The following SNF8 variants were observed in gnomAD, a reference collection of about 807,000 sequenced individuals.
SNF8 encodes vacuolar-sorting protein SNF8.
In SNF8, 19 loss-of-function variants were observed where a neutral mutation model predicts 36.8. The ratio of observed to expected loss-of-function variants is 0.52; its 90% CI spans 0.36 to 0.76. The LOEUF (loss-of-function observed/expected upper bound fraction) is 0.76, where lower values mean the gene tolerates loss of function less well. Among genes scored for constraint, SNF8 ranks in the 30% least tolerant of loss-of-function variants. The probability of loss-of-function intolerance (pLI) is 0.00; values close to 1 mark genes in which losing one functional copy is unlikely to be tolerated. For synonymous variants in SNF8, 127 were observed against 127.4 expected, an observed-to-expected ratio of 1.00 and a Z score of 0.02; for missense variants, 268 against 322.9, an observed-to-expected ratio of 0.83 and a Z score of 1.30.
At chr17:48,938,534 T>C (rs1477859437) in intron 3 of SNF8, among the ~76,000 whole-genome samples, 1 of 146,972 alleles carries the variant, frequency 6.8e-6, no homozygotes, top group Non-Finnish European at 1.5e-5. Flanking sequence ...ATGTAGGTTA[T>C]AGAGCAGTAG....
chr17:48,937,558 A>C (rs2040953639), intron 3 of SNF8, among the ~76,000 whole-genome samples: 1 of 151,530 alleles, frequency 6.6e-6, no homozygotes, highest in Non-Finnish European at 1.5e-5. Context: ...GGAACCCAGG[A>C]GGCAGAAGTT....
chr17:48,935,890 C>G (rs1169355399), intron 5 of SNF8: 1 of 298,940 alleles, frequency 3.3e-6, no homozygotes. Context: ...ACTTGGGAGG[C>G]TGAGGTGGGA....
Position 48,944,792 on chromosome 17 carries a change from G to A in SNF8, c.-58C>T. 1.3e-6 allele frequency: 2 copies of A among 1,513,382 alleles called. No individual in the cohort carries two copies. Among genetic ancestry groups the A allele is most frequent in the Non-Finnish European group, 1.8e-6 (2 of 1,141,330 alleles). The allele number at this position is 1,513,382 out of a possible 1,614,324, so 93.7% of individuals were successfully genotyped here. On this transcript the variant is annotated 5_prime_UTR_variant, in exon 1 of 8. Coordinates refer to ENST00000502492, the MANE Select transcript of SNF8 (RefSeq NM_007241.4). ...CGGGACCCCGGGTCTCCACGTCCCG[G>A]ACTCCGCCGCCGGCTCCCCAAGGCG...
At chr17:48,936,906 G>A (rs913630322) in intron 4 of SNF8, 114 bp downstream of exon 4, 2 of 775,970 alleles carry the variant, frequency 2.6e-6, no homozygotes, top group African/African-American at 1.7e-5. Flanking sequence ...CAGCTAAGAT[G>A]TCTCTCAAGT....
At chr17:48,944,122 G>A (rs2041070137) in intron 1 of SNF8, 147 bp from the exon 2 acceptor site, 1 of 664,176 alleles carries the variant, frequency 1.5e-6, no homozygotes, top group African/African-American at 1.8e-5. Context: ...CTAACACAGT[G>A]AAACCCCGTC....
chr17:48,942,563 A>G (rs747421456), intron 2 of SNF8, among the ~76,000 whole-genome samples: 1 of 152,112 alleles, frequency 6.6e-6, no homozygotes, highest in Non-Finnish European at 1.5e-5. Context: ...AAGGGCTGGA[A>G]AAGAAAACTG....
chr17:48,932,794 T>C (rs940565155), intron 6 of SNF8: 1 of 158,746 alleles, frequency 6.3e-6, no homozygotes, highest in African/African-American at 2.4e-5. Flanking sequence ...TGATGGGGAT[T>C]TGGGGGAAGA....
At chr17:48,936,128 G>T (rs765448602) in intron 5 of SNF8, 42 bp downstream of exon 5, 3 of 1,443,930 alleles carry the variant, frequency 2.1e-6, no homozygotes, top group Non-Finnish European at 2.9e-6. Flanking sequence ...GAATTTTAAA[G>T]ACCTCTTTCT....
rs1389962556 is a variant in SNF8, at chr17:48,929,719, ATTACT to A, written c.*751_*755del. The A allele has an allele frequency of 6.6e-6, 1 of 152,152 alleles. No individual in the cohort carries two copies. The highest frequency in any genetic ancestry group is 1.5e-5 in the Non-Finnish European group (1 of 68,026). The allele number at this position is 152,152 out of a possible 1,614,324, so 9.4% of individuals were successfully genotyped here. On this transcript the variant is annotated 3_prime_UTR_variant, in exon 8 of 8. Transcript: ENST00000502492. ...GGCTGAAGCTGGCGGCCCCTGGCAA[ATTACT>A]TTGATTGAATCACCTGTGATGTTGA...
At chr17:48,936,033 T>G in intron 5 of SNF8, 137 bp downstream of exon 5, 2 of 634,364 alleles carry the variant, frequency 3.2e-6, no homozygotes, top group Non-Finnish European at 5.4e-6. Flanking sequence ...TGTTTTTTGT[T>G]TTTTTTTTTC....
chr17:48,939,552 C>T (rs1287216645), intron 3 of SNF8, among the ~76,000 whole-genome samples: 2 of 151,080 alleles, frequency 1.3e-5, no homozygotes, highest in Non-Finnish European at 2.9e-5. Flanking sequence ...CTTCACCTCC[C>T]GGGTTCAAGT....
chr17:48,938,634 T>G (rs940373816), intron 3 of SNF8, among the ~76,000 whole-genome samples: 1 of 150,706 alleles, frequency 6.6e-6, no homozygotes, highest in South Asian at 2.1e-4. Flanking sequence ...CTTTGGGAGG[T>G]TGAGAGGGGC....
At position 48,929,368 on chromosome 17, in the gene SNF8, G is replaced by A. The variant is rs1339330932; in HGVS notation, c.*1107C>T. On this transcript the variant is annotated 3_prime_UTR_variant, in exon 8 of 8. Coordinates refer to ENST00000502492, the MANE Select transcript of SNF8 (RefSeq NM_007241.4). Reference sequence around the variant, plus strand: ...CAAGGATAGGCAGAGGAAGAGATGGGCCCAGGCTATATCCTGCTAAAGGAA... The same window carrying A: ...CAAGGATAGGCAGAGGAAGAGATGGACCCAGGCTATATCCTGCTAAAGGAA... The A allele has an allele frequency of 6.6e-6, 1 of 152,152 alleles. No individual in the cohort carries two copies. The highest frequency in any genetic ancestry group is 2.4e-5 in the African/African-American group (1 of 41,422). 9.4% of individuals were successfully genotyped at this position (152,152 alleles called of 1,614,324 possible).
At chr17:48,943,782 A>G (rs2041064782) in intron 2 of SNF8, 143 bp downstream of exon 2, 1 of 716,660 alleles carries the variant, frequency 1.4e-6, no homozygotes, top group Non-Finnish European at 2.5e-6. Context: ...CAAGTCACCT[A>G]AAAGATCTCA....
chr17:48,942,146 T>A (rs1250113453), intron 2 of SNF8, among the ~76,000 whole-genome samples: 1 of 152,152 alleles, frequency 6.6e-6, no homozygotes, highest in African/African-American at 2.4e-5. Flanking sequence ...TTTTCTGACT[T>A]TGTATTACCC....
rs1008957263 is a variant in SNF8 at position 48,943,998 on chromosome 17, T to C, written c.55-23A>G. ...GGCCTGTCAGACAAAGAGACCAGCATAAGTTAAGAGAGTGGGCGCTGGAGG... is the reference window on the plus strand; with the variant it reads ...GGCCTGTCAGACAAAGAGACCAGCACAAGTTAAGAGAGTGGGCGCTGGAGG... On this transcript the variant is annotated intron_variant, in intron 1 of 7. Transcript: ENST00000502492. 5.0e-6 allele frequency: 8 copies of C among 1,612,744 alleles called. No individual in the cohort carries two copies. In the African/African-American group the frequency reaches 9.3e-5, roughly 19 times the overall value.
intron 3 of SNF8, among the ~76,000 whole-genome samples, chr17:48,940,191 C>A (rs1297524795): frequency 6.6e-6 from 1 of 151,854 alleles, no homozygotes; most frequent in Middle Eastern, 3.4e-3. Context: ...TAGACACATG[C>A]CACCACACCT....
Position 48,943,953 on chromosome 17 carries a change from G to A in SNF8, c.77C>T (p.Thr26Met). The A allele has an allele frequency of 6.2e-7, 1 of 1,613,904 alleles. No homozygotes were observed. The highest frequency in any genetic ancestry group is 8.5e-7 in the Non-Finnish European group (1 of 1,179,896). The change falls in exon 2 of 8, where the codon ACG becomes ATG. Residue 26 changes from threonine to methionine, a missense_variant. Thr to Met is a moderately conservative substitution (Grantham distance 81). Coordinates refer to ENST00000502492, the MANE Select transcript of SNF8 (RefSeq NM_007241.4). ...LAEAKYKERG[T>M]VLAEDQLAQM... is the part of the protein sequence containing the mutation. Reference sequence around the variant, plus strand: ...GGCTAGCTGGTCCTCAGCCAAGACCGTCCCTCGCTCCTTATACTTGGCCTG... The same window carrying A: ...GGCTAGCTGGTCCTCAGCCAAGACCATCCCTCGCTCCTTATACTTGGCCTG...
chr17:48,944,787 T>C lies in SNF8; in HGVS notation c.-53A>G, dbSNP rs1301881385. 2.6e-6 allele frequency: 4 copies of C among 1,528,974 alleles called. No individual in the cohort carries two copies. Among genetic ancestry groups the C allele is most frequent in the Non-Finnish European group, 3.5e-6 (4 of 1,148,696 alleles). 94.7% of individuals were successfully genotyped at this position (1,528,974 alleles called of 1,614,324 possible). On this transcript the variant is annotated 5_prime_UTR_variant, in exon 1 of 8. Transcript: ENST00000502492. ...GCTGCCGGGACCCCGGGTCTCCACGTCCCGGACTCCGCCGCCGGCTCCCCA... is the reference window on the plus strand; with the variant it reads ...GCTGCCGGGACCCCGGGTCTCCACGCCCCGGACTCCGCCGCCGGCTCCCCA...
Sources: allele counts gnomAD v4.1 joint callset (sites outside exome capture counted in the v4.1 genomes callset), GRCh38; gene constraint gnomAD v4.1.1; transcripts MANE v1.5; gene names NCBI Gene and HGNC (gene_info 2026-07-23, HGNC 2026-07-21).